NOC3L: variants seen among roughly 807,000 people sequenced by gnomAD.
The protein encoded by NOC3L is NOC3 like DNA replication regulator, also known as nucleolar complex protein 3 homolog.
NOC3L carries 85 observed loss-of-function variants against 102.5 expected under a neutral mutation model. That is an observed-to-expected ratio of 0.83 (90% CI 0.70 to 0.99). The LOEUF is 0.99. NOC3L is among the 50% of genes least tolerant of loss of function. NOC3L has a pLI of 0.00. For missense variants in NOC3L, 878 were observed against 914.9 expected (o/e 0.96, Z 0.52); for synonymous variants, 303 against 309.4 (o/e 0.98, Z 0.22).
intron 2 of NOC3L, among the ~76,000 whole-genome samples, chr10:94,359,480 A>T (rs2054528647): frequency 6.6e-6 from 1 of 152,082 alleles, no homozygotes; most frequent in Non-Finnish European, 1.5e-5. Context: ...GACCCTAGTA[A>T]ATCTTGCTAT....
At chr10:94,324,458 C>T in the NOC3L span, 1 of 1,614,080 alleles carries the variant, frequency 6.2e-7, no homozygotes, top group Non-Finnish European at 8.5e-7. Flanking sequence ...AAGACTACCA[C>T]ACCAAAGTCC....
At chr10:94,322,513 G>A in the NOC3L span, among the ~76,000 whole-genome samples, 13 of 152,172 alleles carry the variant, frequency 8.5e-5, no homozygotes, top group African/African-American at 2.6e-4. Flanking sequence ...TGCTGGGCAC[G>A]GGGGTTCACG....
chr10:94,332,639 A>C (rs1276221216), downstream of NOC3L: 1 of 151,974 alleles, frequency 6.6e-6, no homozygotes, highest in Non-Finnish European at 1.5e-5. Context: ...TAGATGTATA[A>C]TTTTGTAGTC....
At chr10:94,330,422 G>GT (rs1348078595), downstream of NOC3L, 1 of 152,258 alleles carries the variant, frequency 6.6e-6, no homozygotes, top group African/African-American at 2.4e-5. Context: ...GCTCATGCCT[G>GT]TAATCCCAAC....
intron 14 of NOC3L, among the ~76,000 whole-genome samples, chr10:94,341,431 TAAAA>T (rs1285347169): frequency 7.2e-6 from 1 of 139,858 alleles, no homozygotes; most frequent in African/African-American, 2.6e-5. Flanking sequence ...TGCATCAATT[TAAAA>T]AAAAAAAAAA....
the NOC3L span, chr10:94,325,157 G>C: frequency 8.0e-7 from 1 of 1,244,270 alleles, no homozygotes; most frequent in Non-Finnish European, 1.2e-6. Context: ...AAACTACTTT[G>C]TAAGGAAGGC....
chr10:94,322,025 C>T, the NOC3L span: 1 of 1,614,036 alleles, frequency 6.2e-7, no homozygotes. Context: ...ATCAAAGCAC[C>T]CCGCGTCAGC....
At chr10:94,341,779 A>G in intron 13 of NOC3L, 34 bp from the exon 14 acceptor site, 1 of 1,245,230 alleles carries the variant, frequency 8.0e-7, no homozygotes, top group Non-Finnish European at 1.1e-6. Context: ...TCAGTGAACT[A>G]AAAGCAGAAA....
intron 14 of NOC3L, among the ~76,000 whole-genome samples, chr10:94,341,128 G>A (rs184622060): frequency 6.6e-6 from 1 of 151,826 alleles, no homozygotes; most frequent in African/African-American, 2.4e-5. Flanking sequence ...AGCTGTGATT[G>A]CACCACTGCA....
In NOC3L at chr10:94,338,000, T is replaced by C. The variant is rs886586896; in HGVS notation, c.2092-126A>G. On this transcript the variant is annotated intron_variant, in intron 18 of 20. Coordinates refer to ENST00000371361, the MANE Select transcript of NOC3L (RefSeq NM_022451.11). ...TTTTTCATCACCTATGTACAGTATA[T>C]GTAATTCATTAGAAGCACATACCCA... 9 of 499,206 alleles carry C rather than the reference T, an allele frequency of 1.8e-5. No individual in the cohort carries two copies. In the South Asian group the frequency reaches 2.8e-4, roughly 16 times the overall value. 30.9% of individuals were successfully genotyped at this position (499,206 alleles called of 1,614,324 possible). A position where few individuals can be genotyped will look rare whatever the true frequency, so the allele number is the denominator to read the frequency against.
chr10:94,321,958 G>A, the NOC3L span: 1 of 1,613,854 alleles, frequency 6.2e-7, no homozygotes, highest in Non-Finnish European at 8.5e-7. Context: ...GAGCTCAGAG[G>A]AGGAGAGTTT....
chr10:94,325,162 G>A, the NOC3L span: 10 of 1,222,336 alleles, frequency 8.2e-6, no homozygotes, highest in South Asian at 1.2e-5. Flanking sequence ...ACTTTGTAAG[G>A]AAGGCATAAT....
intron 4 of NOC3L, 30 bp from the exon 5 acceptor site, chr10:94,356,621 T>G: frequency 7.9e-7 from 1 of 1,267,008 alleles, no homozygotes; most frequent in Admixed American, 1.7e-5. Flanking sequence ...ATTAAAACTG[T>G]GATATATACT....
At position 94,355,303 on chromosome 10, in the gene NOC3L, G is replaced by C. The variant is rs183425465; in HGVS notation, c.566-210C>G. ...AAGCAAAGGAAGAGAAAATAACTTG[G>C]CTAAGCTCATAAACCAAAGGAAAAT... is the stretch of plus-strand genomic sequence containing the variant. On this transcript the variant is annotated intron_variant, in intron 5 of 20. Coordinates refer to ENST00000371361, the MANE Select transcript of NOC3L (RefSeq NM_022451.11). 1.9e-3 allele frequency among the ~76,000 whole-genome samples: 296 copies of C among 151,892 alleles called. 2 individuals carry two copies. The highest frequency in any genetic ancestry group is 6.9e-3 in the African/African-American group (287 of 41,426).
chr10:94,332,047 T>G (rs1014464778), downstream of NOC3L: 17 of 152,046 alleles, frequency 1.1e-4, no homozygotes, highest in African/African-American at 3.9e-4. Flanking sequence ...TTTTTTTATT[T>G]TCAGTAGAGA....
chr10:94,345,036 C>T, intron 11 of NOC3L, 103 bp from the exon 12 acceptor site: 5 of 702,754 alleles, frequency 7.1e-6, no homozygotes, highest in Non-Finnish European at 1.2e-5. Flanking sequence ...AGTAATACCA[C>T]ATGTTGTCTA....
chr10:94,318,101 G>C, the NOC3L span, among the ~76,000 whole-genome samples: 1 of 152,150 alleles, frequency 6.6e-6, no homozygotes, highest in Non-Finnish European at 1.5e-5. Flanking sequence ...CTAGAGCCCA[G>C]AGCCACTGCC....
In NOC3L at chr10:94,339,853, C is replaced by T. The variant is rs1248027776; in HGVS notation, c.1848G>A (p.Lys616=). Residue 616 remains lysine (K), a synonymous_variant, in exon 17 of 21, where the codon AAG becomes AAA. Coordinates refer to ENST00000371361, the MANE Select transcript of NOC3L (RefSeq NM_022451.11). ...CAAGAGCTCGCTGCTGAGAAACTTG[C>T]TTTCTGCGCTTAGTTAGCATGACAT... ...CLDVMLTKRR[K]QVSQQRALAF... 4 of 1,614,210 alleles carry T rather than the reference C, an allele frequency of 2.5e-6. No individual in the cohort carries two copies. The highest frequency in any genetic ancestry group is 1.7e-5 in the Admixed American group (1 of 60,026).
Position 94,350,123 on chromosome 10 carries a change from A to C in NOC3L, c.1118T>G (p.Met373Arg). 1 of 1,613,968 alleles carries C rather than the reference A, an allele frequency of 6.2e-7. No individual in the cohort carries two copies. The highest frequency in any genetic ancestry group is 8.5e-7 in the Non-Finnish European group (1 of 1,179,938). ...IVLIVPLMNDMSKLISEMCCE... is the reference protein window; with the variant it reads ...IVLIVPLMNDRSKLISEMCCE... ...TTTACAGCAACTCACCAATTTTGAC[A>C]TGTCATTCATGAGAGGGACAATCAA... The change falls in exon 9 of 21, where the codon ATG becomes AGG. Residue 373 changes from methionine to arginine, a missense_variant. Coordinates refer to ENST00000371361, the MANE Select transcript of NOC3L (RefSeq NM_022451.11).
Sources: gnomAD v4.1 joint callset for allele counts (sites outside exome capture counted in the v4.1 genomes callset) on GRCh38, gnomAD v4.1.1 for gene constraint, MANE v1.5 for transcripts, NCBI Gene and HGNC (gene_info 2026-07-23, HGNC 2026-07-21) for gene names.